KHDRBS3: variants seen among roughly 807,000 people sequenced by gnomAD.
KHDRBS3 encodes KH RNA binding domain containing, signal transduction associated 3.
Under a neutral mutation model 45.6 loss-of-function variants are expected in KHDRBS3, and 23 were observed. The ratio of observed to expected loss-of-function variants is 0.50; its 90% confidence interval spans 0.36 to 0.72. The LOEUF (loss-of-function observed/expected upper bound fraction) is 0.72, where lower values mean the gene tolerates loss of function less well. Among genes scored for constraint, KHDRBS3 ranks in the 30% least tolerant of loss-of-function variants. The probability of loss-of-function intolerance (pLI) is 0.00; values close to 1 mark genes in which losing one functional copy is unlikely to be tolerated. For synonymous variants in KHDRBS3, 162 were observed against 156.5 expected, an observed-to-expected ratio of 1.04 and a Z score of -0.26; for missense variants, 352 against 424.8, an observed-to-expected ratio of 0.83 and a Z score of 1.51.
intron 7 of KHDRBS3, among the ~76,000 whole-genome samples, chr8:135,608,393 A>G (rs1226892174): frequency 2.0e-5 from 3 of 152,200 alleles, no homozygotes; most frequent in Admixed American, 2.0e-4. Flanking sequence ...CTGAGTGCAT[A>G]CTATATTCCT....
intron 2 of KHDRBS3, among the ~76,000 whole-genome samples, chr8:135,532,340 T>A (rs780546465): frequency 6.6e-6 from 1 of 152,172 alleles, no homozygotes. Flanking sequence ...AAAATAAACC[T>A]TGTTTGTTCT....
chr8:135,620,313 C>CT (rs1830085808), intron 7 of KHDRBS3, among the ~76,000 whole-genome samples: 1 of 152,036 alleles, frequency 6.6e-6, no homozygotes, highest in Non-Finnish European at 1.5e-5. Flanking sequence ...GTTGCCCAAG[C>CT]TGGTCTTGAA....
intron 7 of KHDRBS3, 40 bp from the exon 8 acceptor site, chr8:135,645,019 C>A: frequency 6.2e-7 from 1 of 1,600,092 alleles, no homozygotes; most frequent in Non-Finnish European, 8.5e-7. Flanking sequence ...AACTCACAGC[C>A]AGATGATTTT....
chr8:135,608,737 T>C (rs2088961174), intron 7 of KHDRBS3, among the ~76,000 whole-genome samples: 1 of 152,238 alleles, frequency 6.6e-6, no homozygotes, highest in Admixed American at 6.5e-5. Flanking sequence ...TAGGCAATTT[T>C]GTCATTGTGT....
intron 1 of KHDRBS3, among the ~76,000 whole-genome samples, chr8:135,471,644 C>G (rs1226332444): frequency 6.6e-6 from 1 of 152,084 alleles, no homozygotes; most frequent in Non-Finnish European, 1.5e-5. Flanking sequence ...GTGTGTGACT[C>G]CTCACATAGT....
chr8:135,633,330 G>A lies in KHDRBS3; in HGVS notation c.891-11729G>A, dbSNP rs113005449. On this transcript the variant is annotated intron_variant, in intron 7 of 8. Transcript: ENST00000355849. ...GAGCAGGAGCTCTCTCTCCTGCACA[G>A]TGCGGTGTTCATGCCCTCACCTCCC... 1.3e-3 allele frequency among the ~76,000 whole-genome samples: 191 copies of A among 152,292 alleles called. 3 individuals carry two copies. The highest frequency in any genetic ancestry group is 3.9e-3 in the African/African-American group (163 of 41,556).
intron 6 of KHDRBS3, among the ~76,000 whole-genome samples, chr8:135,600,546 G>A (rs1450919841): frequency 6.6e-6 from 1 of 152,230 alleles, no homozygotes; most frequent in Non-Finnish European, 1.5e-5. Context: ...CTAGGTGTGT[G>A]TGGACTGATG....
At chr8:135,643,284 C>T (rs1310300732) in intron 7 of KHDRBS3, among the ~76,000 whole-genome samples, 1 of 152,164 alleles carries the variant, frequency 6.6e-6, no homozygotes, top group Non-Finnish European at 1.5e-5. Flanking sequence ...ACTGTGCAAG[C>T]ACTGCATGCT....
At chr8:135,458,300 G>A in intron 1 of KHDRBS3, 1 of 678,926 alleles carries the variant, frequency 1.5e-6, no homozygotes, top group Non-Finnish European at 1.9e-6. Flanking sequence ...GTCATGGAAG[G>A]GGAGCGTGTT....
chr8:135,646,541 C>T (rs1293048413), intron 8 of KHDRBS3, among the ~76,000 whole-genome samples: 3 of 152,132 alleles, frequency 2.0e-5, no homozygotes, highest in South Asian at 2.1e-4. Context: ...TTTTGCTCTC[C>T]GGTTTTCTTC....
intron 7 of KHDRBS3, among the ~76,000 whole-genome samples, chr8:135,620,494 T>G (rs1409222362): frequency 6.6e-6 from 1 of 152,178 alleles, no homozygotes; most frequent in Non-Finnish European, 1.5e-5. Context: ...GTTTCACAGT[T>G]ATGGCTCATT....
chr8:135,642,130 C>T (rs1000929444), intron 7 of KHDRBS3, among the ~76,000 whole-genome samples: 1 of 152,146 alleles, frequency 6.6e-6, no homozygotes, highest in Non-Finnish European at 1.5e-5. Context: ...ATCATTAAAG[C>T]CCTAGGGAGA....
chr8:135,587,216 A>G (rs1355484929), intron 6 of KHDRBS3, among the ~76,000 whole-genome samples: 2 of 152,206 alleles, frequency 1.3e-5, no homozygotes, highest in Non-Finnish European at 2.9e-5. Flanking sequence ...ATCTGAGCCA[A>G]CTGTTCTTCA....
intron 1 of KHDRBS3, among the ~76,000 whole-genome samples, chr8:135,478,048 G>C (rs1379122339): frequency 6.6e-6 from 1 of 152,160 alleles, no homozygotes; most frequent in African/African-American, 2.4e-5. Flanking sequence ...CTGCACATGT[G>C]AGGGATCTAG....
At chr8:135,508,683 C>T (rs1030546689) in intron 1 of KHDRBS3, among the ~76,000 whole-genome samples, 1 of 152,142 alleles carries the variant, frequency 6.6e-6, no homozygotes, top group Non-Finnish European at 1.5e-5. Flanking sequence ...TAAGTCATTA[C>T]TAACTTGAAT....
chr8:135,621,796 G>T (rs1309370883), intron 7 of KHDRBS3, among the ~76,000 whole-genome samples: 1 of 152,030 alleles, frequency 6.6e-6, no homozygotes, highest in African/African-American at 2.4e-5. Flanking sequence ...GCAGCCTACG[G>T]TGCCTAGGAA....
chr8:135,578,179 G>A (rs1413500683), intron 5 of KHDRBS3, among the ~76,000 whole-genome samples: 1 of 152,000 alleles, frequency 6.6e-6, no homozygotes. Flanking sequence ...CTTCCTTTCT[G>A]TGGCTTGTCT....
intron 5 of KHDRBS3, among the ~76,000 whole-genome samples, chr8:135,579,176 A>G (rs1286836874): frequency 1.3e-5 from 2 of 152,080 alleles, no homozygotes; most frequent in South Asian, 2.1e-4. Context: ...CAAAATCTGT[A>G]TGAGTTTTAT....
At position 135,457,550 on chromosome 8, in the gene KHDRBS3, C is replaced by T. The variant is rs2130017527; in HGVS notation, c.-317C>T. On this transcript the variant is annotated 5_prime_UTR_variant, in exon 1 of 9. Transcript: ENST00000355849. The surrounding 1 kb of genome is among the most constrained non-coding windows in gnomAD (Gnocchi z 4.4). ...ACTGGCGGGGATCGCCGTGGACTGC[C>T]TCAGGGGCGCCGCAGCCCGCTCGGC... The T allele has an allele frequency of 6.8e-6, 1 of 146,858 alleles. No individual in the cohort carries two copies. Among genetic ancestry groups the T allele is most frequent in the East Asian group, 2.0e-4 (1 of 5,030 alleles). 9.1% of individuals were successfully genotyped at this position (146,858 alleles called of 1,614,324 possible). A position where few individuals can be genotyped will look rare whatever the true frequency, so the allele number is the denominator to read the frequency against.
Sources: gnomAD v4.1 joint callset for allele counts (sites outside exome capture counted in the v4.1 genomes callset) on GRCh38, gnomAD v4.1.1 for gene constraint, Gnocchi (gnomAD v3.1) non-coding constraint, MANE v1.5 for transcripts, NCBI Gene and HGNC (gene_info 2026-07-23, HGNC 2026-07-21) for gene names.